Variants in FAM107B observed in about 807,000 individuals in gnomAD.
FAM107B encodes protein FAM107B.
Under a neutral mutation model 31.5 loss-of-function variants are expected in FAM107B, and 21 were observed. The ratio of observed to expected loss-of-function variants is 0.67; its 90% CI spans 0.47 to 0.96. The LOEUF (loss-of-function observed/expected upper bound fraction) is 0.96, where lower values mean the gene tolerates loss of function less well. FAM107B is among the 40% of genes least tolerant of loss of function. The pLI is 0.00. For missense variants in FAM107B, 452 were observed against 377.1 expected (o/e 1.20, Z -1.64); for synonymous variants, 157 against 141.5 (o/e 1.11, Z -0.78).
intron 1 of FAM107B, among the ~76,000 whole-genome samples, chr10:14,715,511 T>C (rs1194693973): frequency 6.6e-6 from 1 of 152,230 alleles, no homozygotes; most frequent in Non-Finnish European, 1.5e-5. Flanking sequence ...TCAAGTTGAC[T>C]AGGCTAAGAG....
intron 3 of FAM107B, among the ~76,000 whole-genome samples, chr10:14,523,950 T>A (rs1005286763): frequency 6.7e-5 from 10 of 149,450 alleles, no homozygotes; most frequent in African/African-American, 2.2e-4. Flanking sequence ...CACTGAAACC[T>A]CTGCCTCCTG....
chr10:14,638,720 T>A (rs1462794187), intron 2 of FAM107B, among the ~76,000 whole-genome samples: 1 of 152,172 alleles, frequency 6.6e-6, no homozygotes, highest in Admixed American at 6.5e-5. Context: ...CTTACTATTC[T>A]CACATCGGCT....
intron 2 of FAM107B, among the ~76,000 whole-genome samples, chr10:14,646,034 G>T (rs556233703): frequency 6.6e-6 from 1 of 152,160 alleles, no homozygotes; most frequent in African/African-American, 2.4e-5. Flanking sequence ...CTGCAAGGTT[G>T]GTTACTCTAA....
chr10:14,743,401 G>A (rs1238517311), intron 1 of FAM107B, among the ~76,000 whole-genome samples: 1 of 152,102 alleles, frequency 6.6e-6, no homozygotes, highest in Non-Finnish European at 1.5e-5. Context: ...AATGGCTTTT[G>A]ATGTTTTCAT....
At chr10:14,728,495 G>A (rs1588736224) in intron 1 of FAM107B, among the ~76,000 whole-genome samples, 1 of 152,292 alleles carries the variant, frequency 6.6e-6, no homozygotes, top group East Asian at 1.9e-4. Flanking sequence ...AGTGGCTGCA[G>A]AAGTCAAGCT....
At chr10:14,537,215 C>T (rs1489237367) in intron 2 of FAM107B, among the ~76,000 whole-genome samples, 1 of 152,174 alleles carries the variant, frequency 6.6e-6, no homozygotes, top group Non-Finnish European at 1.5e-5. Flanking sequence ...GCACTGTAGT[C>T]AAAGCACACC....
chr10:14,763,921 C>G (rs558505175), intron 1 of FAM107B, among the ~76,000 whole-genome samples: 6 of 152,224 alleles, frequency 3.9e-5, no homozygotes, highest in Non-Finnish European at 8.8e-5. Flanking sequence ...CTCCTTAGAC[C>G]GGGTTTCACC....
chr10:14,773,983 T>C (rs1469144713), intron 1 of FAM107B, among the ~76,000 whole-genome samples: 1 of 152,212 alleles, frequency 6.6e-6, no homozygotes, highest in African/African-American at 2.4e-5. Flanking sequence ...TGAGCCATTT[T>C]TGGCTCTAAG....
At chr10:14,771,994 T>G (rs1456643013) in intron 1 of FAM107B, among the ~76,000 whole-genome samples, 7 of 152,174 alleles carry the variant, frequency 4.6e-5, no homozygotes, top group Admixed American at 4.6e-4. Flanking sequence ...ATCCTCTCTT[T>G]GTGGCCTTGG....
At chr10:14,745,629 CTTG>C (rs1832711464) in intron 1 of FAM107B, among the ~76,000 whole-genome samples, 3 of 152,148 alleles carry the variant, frequency 2.0e-5, no homozygotes, top group Non-Finnish European at 4.4e-5. Context: ...GTTTCTTAAT[CTTG>C]AGTTCTAATT....
At chr10:14,724,856 C>T (rs1588733140) in intron 1 of FAM107B, among the ~76,000 whole-genome samples, 1 of 152,360 alleles carries the variant, frequency 6.6e-6, no homozygotes, top group South Asian at 2.1e-4. Flanking sequence ...AGTGTCTTCT[C>T]TTCCAGGGCC....
chr10:14,522,440 G>GTTTTTTTTT, intron 3 of FAM107B, among the ~76,000 whole-genome samples: 1 of 150,844 alleles, frequency 6.6e-6, no homozygotes, highest in African/African-American at 2.4e-5. Flanking sequence ...CTGAGACAGA[G>GTTTTTTTTT]TCTCACTCTG....
intron 2 of FAM107B, among the ~76,000 whole-genome samples, chr10:14,534,082 C>T (rs948876036): frequency 5.9e-5 from 9 of 152,156 alleles, no homozygotes; most frequent in Non-Finnish European, 1.0e-4. Flanking sequence ...CATCTTCCTT[C>T]TTTTTCACTG....
intron 2 of FAM107B, among the ~76,000 whole-genome samples, chr10:14,657,517 AC>A (rs1243224020): frequency 6.6e-6 from 1 of 151,740 alleles, no homozygotes; most frequent in Non-Finnish European, 1.5e-5. Flanking sequence ...CTTCACCCCC[AC>A]CCCTGGTCAC....
Position 14,767,075 on chromosome 10 carries a change from GAGAGAGAGAGAGAGAGAGAGAGAGAC to G in FAM107B, c.411+7152_411+7177del, listed in dbSNP as rs1333204605. ...ATATATAGAGAGAGAGAGAGAGAGA[GAGAGAGAGAGAGAGAGAGAGAGAGAC>G]AGAGAGAGAGAGAGAGAGAGTTTCC... On this transcript the variant is annotated intron_variant, in intron 1 of 4. Transcript: ENST00000181796. 3.4e-3 allele frequency among the ~76,000 whole-genome samples: 283 copies of G among 83,300 alleles called. 4 individuals are homozygous for G. The highest frequency in any genetic ancestry group is 0.012 in the African/African-American group (270 of 22,152). The allele number at this position is 83,300 out of a possible 152,430, so 54.6% of individuals were successfully genotyped here. A position where few individuals can be genotyped will look rare whatever the true frequency, so the allele number is the denominator to read the frequency against.
At chr10:14,581,498 C>T (rs1473912086) in intron 2 of FAM107B, among the ~76,000 whole-genome samples, 1 of 152,362 alleles carries the variant, frequency 6.6e-6, no homozygotes, top group South Asian at 2.1e-4. Context: ...GAAAGACGTT[C>T]GTTCAGAGCC....
chr10:14,764,461 A>T (rs1382344957), intron 1 of FAM107B, among the ~76,000 whole-genome samples: 10 of 151,892 alleles, frequency 6.6e-5, no homozygotes, highest in Admixed American at 6.6e-4. Context: ...GATCATAAAC[A>T]CCTCCCACGG....
chr10:14,770,930 G>C (rs1833285885), intron 1 of FAM107B, among the ~76,000 whole-genome samples: 1 of 129,482 alleles, frequency 7.7e-6, no homozygotes, highest in South Asian at 2.6e-4. Context: ...TGAAGATAGA[G>C]AGAGGGGCTT....
chr10:14,575,977 G>A (rs1215044773), intron 2 of FAM107B, among the ~76,000 whole-genome samples: 2 of 152,168 alleles, frequency 1.3e-5, no homozygotes, highest in East Asian at 1.9e-4. Flanking sequence ...CACGCTAAGC[G>A]AAATAAGCCA....
Sources: gnomAD v4.1 joint callset for allele counts (sites outside exome capture counted in the v4.1 genomes callset) on GRCh38, gnomAD v4.1.1 for gene constraint, MANE v1.5 for transcripts, NCBI Gene and HGNC (gene_info 2026-07-23, HGNC 2026-07-21) for gene names.